IGFL2: variants seen among roughly 807,000 people sequenced by gnomAD.
IGFL2 encodes the protein IGF like family member 2.
Under a neutral mutation model 13.9 loss-of-function variants are expected in IGFL2, and 7 were observed. That is an observed-to-expected ratio of 0.51 (90% CI 0.29 to 0.95). The LOEUF (loss-of-function observed/expected upper bound fraction) is 0.95, where lower values mean the gene tolerates loss of function less well. Ranked by LOEUF, IGFL2 falls within the 40% of genes least tolerant of loss-of-function variation. The pLI, the probability that IGFL2 is intolerant of heterozygous loss-of-function variation, is 0.08. For missense variants in IGFL2, 138 were observed against 147.8 expected, an observed-to-expected ratio of 0.93 and a Z score of 0.34; for synonymous variants, 55 against 55.8, an observed-to-expected ratio of 0.99 and a Z score of 0.07.
At chr19:46,196,578 C>G in the IGFL2 span, among the ~76,000 whole-genome samples, 2 of 152,192 alleles carry the variant, frequency 1.3e-5, no homozygotes, top group African/African-American at 2.4e-5. Context: ...CTGCCCGACC[C>G]CAGCTGAGCC....
the IGFL2 span, among the ~76,000 whole-genome samples, chr19:46,115,352 A>C: frequency 4.6e-4 from 70 of 152,328 alleles, no homozygotes; most frequent in Admixed American, 3.9e-4. Context: ...CATTTTAAAA[A>C]TGTGAATAAC....
At chr19:46,181,869 G>T in the IGFL2 span, among the ~76,000 whole-genome samples, 2 of 152,166 alleles carry the variant, frequency 1.3e-5, no homozygotes, top group Non-Finnish European at 2.9e-5. Flanking sequence ...TTGTAGGATT[G>T]TTACAACCTG....
the IGFL2 span, chr19:46,124,554 A>T: frequency 7.2e-7 from 1 of 1,383,952 alleles, no homozygotes; most frequent in South Asian, 1.2e-5. Flanking sequence ...AAGAGGAATA[A>T]ATCGGGTTGA....
At chr19:46,202,585 T>A in the IGFL2 span, 2 of 152,132 alleles carry the variant, frequency 1.3e-5, no homozygotes, top group Admixed American at 1.3e-4. Context: ...AAGGCAGGCG[T>A]CCCTGCAGTG....
chr19:46,159,152 G>A (rs1367842050), intron 1 of IGFL2: 1 of 152,148 alleles, frequency 6.6e-6, no homozygotes, highest in Admixed American at 6.5e-5. Flanking sequence ...TGGAGTTTAT[G>A]GTGCCTGTGC....
At chr19:46,141,337 T>A (rs1972849128), upstream of IGFL2, among the ~76,000 whole-genome samples, 1 of 152,188 alleles carries the variant, frequency 6.6e-6, no homozygotes. Context: ...CGGAAAACGC[T>A]GCCCTGCTGC....
chr19:46,168,851 C>A, the IGFL2 span, among the ~76,000 whole-genome samples: 1 of 100,746 alleles, frequency 9.9e-6, no homozygotes, highest in Non-Finnish European at 2.0e-5. Flanking sequence ...TAATTTTTTT[C>A]CCTGTTTTTT....
intron 1 of IGFL2, among the ~76,000 whole-genome samples, chr19:46,155,669 T>C (rs1973781968): frequency 6.6e-6 from 1 of 152,206 alleles, no homozygotes; most frequent in Admixed American, 6.5e-5. Context: ...CCATTTCAAA[T>C]TAATTTTCAC....
chr19:46,184,653 T>C, the IGFL2 span, among the ~76,000 whole-genome samples: 1 of 152,226 alleles, frequency 6.6e-6, no homozygotes, highest in Non-Finnish European at 1.5e-5. Context: ...ATCCAGTCCA[T>C]CACTGATGGG....
At chr19:46,165,261 A>T (rs116922483), downstream of IGFL2, among the ~76,000 whole-genome samples, 38 of 152,358 alleles carry the variant, frequency 2.5e-4, 1 homozygote, top group East Asian at 7.1e-3. Flanking sequence ...GAGGACACAG[A>T]TATGTGCCTG....
the IGFL2 span, among the ~76,000 whole-genome samples, chr19:46,196,462 C>A: frequency 1.7e-4 from 26 of 152,166 alleles, no homozygotes; most frequent in Admixed American, 1.7e-3. Context: ...CCAAACTACT[C>A]CCCAAACTTA....
At chr19:46,094,960 T>G in the IGFL2 span, among the ~76,000 whole-genome samples, 4 of 152,228 alleles carry the variant, frequency 2.6e-5, no homozygotes, top group Admixed American at 1.3e-4. Context: ...TCCATGTCTT[T>G]GCTATTGTGA....
the IGFL2 span, among the ~76,000 whole-genome samples, chr19:46,090,677 A>T: frequency 6.6e-6 from 1 of 152,338 alleles, no homozygotes; most frequent in East Asian, 1.9e-4. Flanking sequence ...GAGCTGGCAT[A>T]TGCCTGAAGC....
chr19:46,186,352 G>A, the IGFL2 span, among the ~76,000 whole-genome samples: 4 of 152,170 alleles, frequency 2.6e-5, no homozygotes, highest in Non-Finnish European at 2.9e-5. Flanking sequence ...TTTCTCTGGC[G>A]CTCCGGAGAA....
chr19:46,110,446 G>T, the IGFL2 span, among the ~76,000 whole-genome samples: 1 of 152,112 alleles, frequency 6.6e-6, no homozygotes, highest in Non-Finnish European at 1.5e-5. Context: ...TCCAGTGTTG[G>T]TTTTATGATA....
the IGFL2 span, among the ~76,000 whole-genome samples, chr19:46,109,567 C>T: frequency 3.1e-4 from 47 of 152,244 alleles, no homozygotes; most frequent in African/African-American, 9.6e-4. Context: ...CCACCCACCT[C>T]GGCCTCCCAA....
At chr19:46,149,029 G>A (rs763630735) in intron 1 of IGFL2, 9 of 1,605,468 alleles carry the variant, frequency 5.6e-6, no homozygotes, top group Non-Finnish European at 7.7e-6. Context: ...TACCCCAGGA[G>A]TGTGCTGGGT....
the IGFL2 span, among the ~76,000 whole-genome samples, chr19:46,112,276 A>C: frequency 6.6e-6 from 1 of 152,342 alleles, no homozygotes; most frequent in African/African-American, 2.4e-5. Flanking sequence ...AAGATCTGCA[A>C]TTATGACAAA....
chr19:46,143,794 A>T (rs760327482), upstream of IGFL2, among the ~76,000 whole-genome samples: 4 of 152,226 alleles, frequency 2.6e-5, no homozygotes, highest in Non-Finnish European at 5.9e-5. Context: ...GAGAAAATCA[A>T]GATTGTGCAC....
Sources: gnomAD v4.1 joint callset for allele counts (sites outside exome capture counted in the v4.1 genomes callset) on GRCh38, gnomAD v4.1.1 for gene constraint, MANE v1.5 for transcripts, NCBI Gene and HGNC (gene_info 2026-07-23, HGNC 2026-07-21) for gene names.